The following CROCC2 variants were observed in gnomAD, a reference collection of about 807,000 sequenced individuals.
CROCC2 encodes the protein ciliary rootlet coiled-coil, rootletin family member 2.
CROCC2 carries 163 observed loss-of-function variants against 177.6 expected under a neutral mutation model. That is an observed-to-expected ratio of 0.92 (90% CI 0.81 to 1.05). The LOEUF (loss-of-function observed/expected upper bound fraction) is 1.05. CROCC2 is among the 50% of genes least tolerant of loss of function. CROCC2 has a pLI of 0.00. For synonymous variants in CROCC2, 904 were observed against 787.3 expected, an observed-to-expected ratio of 1.15 and a Z score of -2.48; for missense variants, 1,929 against 1,797.8, an observed-to-expected ratio of 1.07 and a Z score of -1.32.
intron 5 of CROCC2, among the ~76,000 whole-genome samples, chr2:240,926,949 C>T (rs140948857): frequency 2.4e-4 from 37 of 152,386 alleles, no homozygotes; most frequent in Non-Finnish European, 4.9e-4. Flanking sequence ...GACAGGTCAC[C>T]TGAGGATCCC....
chr2:240,935,943 C>A (rs56237031), intron 14 of CROCC2, among the ~76,000 whole-genome samples: 49,449 of 152,082 alleles, frequency 0.33, 8,698 homozygotes, highest in Middle Eastern at 0.5. Context: ...TCTGCGACTG[C>A]ACATTCACTG....
At chr2:240,919,254 A>G (rs985553352) in intron 2 of CROCC2, among the ~76,000 whole-genome samples, 8 of 152,078 alleles carry the variant, frequency 5.3e-5, no homozygotes, top group Admixed American at 3.3e-4. Flanking sequence ...ATCGATACCC[A>G]CAGGGCACTC....
At chr2:240,989,972 G>A in intron 30 of CROCC2, 139 bp downstream of exon 30, 1 of 782,920 alleles carries the variant, frequency 1.3e-6, no homozygotes, top group Non-Finnish European at 2.0e-6. Flanking sequence ...GTGGGCTCCA[G>A]ACCTGCTCCG....
At chr2:240,906,681 G>A (rs1194214047) in intron 1 of CROCC2, 90 bp downstream of exon 1, 1 of 398,696 alleles carries the variant, frequency 2.5e-6, no homozygotes, top group Non-Finnish European at 4.4e-6. Flanking sequence ...GGGATGGCCA[G>A]GAGGCACCTT....
intron 14 of CROCC2, among the ~76,000 whole-genome samples, chr2:240,940,789 G>C (rs1209444945): frequency 3.3e-5 from 5 of 152,116 alleles, no homozygotes; most frequent in Non-Finnish European, 7.4e-5. Flanking sequence ...ACTGGAAGAA[G>C]ACAAGGATGC....
intron 28 of CROCC2, among the ~76,000 whole-genome samples, chr2:240,985,705 CCA>C (rs758309744): frequency 3.6e-5 from 1 of 28,040 alleles, no homozygotes; most frequent in Non-Finnish European, 5.5e-5. Context: ...GGCACTCACT[CCA>C]CACACACACA....
chr2:240,966,873 G>T (rs1487805204), intron 25 of CROCC2, among the ~76,000 whole-genome samples: 1 of 151,734 alleles, frequency 6.6e-6, no homozygotes, highest in Non-Finnish European at 1.5e-5. Flanking sequence ...CAGTGGGCAG[G>T]ACTGTGGGAA....
At position 240,917,468 on chromosome 2, in the gene CROCC2, C is replaced by T. The variant is rs180824886; in HGVS notation, c.79-1258C>T. ...CAGGCCTGAGGTCAGAGTCCGGGGA[C>T]GCAAGCAGGGTCTCAGGGAGGGCCA... On this transcript the variant is annotated intron_variant, in intron 1 of 31. Coordinates refer to ENST00000690015, the MANE Select transcript of CROCC2 (RefSeq NM_001351305.2). The surrounding 1 kb of genome is among the most constrained non-coding windows in gnomAD (Gnocchi z 4.9). Among the ~76,000 whole-genome samples, 42 of 152,224 alleles carry T rather than the reference C, an allele frequency of 2.8e-4. No homozygotes were observed. The highest frequency in any genetic ancestry group is 4.4e-4 in the Non-Finnish European group (30 of 68,000).
chr2:240,919,998 C>T lies in CROCC2; in HGVS notation c.245C>T (p.Pro82Leu), dbSNP rs759713910. ...EEPPQAGVQE[P>L]TATVARVQEE... ...TACCGTGCAGCAGGGGTACAGGAGC[C>T]GACAGCCACTGTGGCCCGAGTGCAA... Residue 82 changes from proline to leucine, a missense_variant, in exon 3 of 32, where the codon CCG becomes CTG. By Grantham distance (98) the Pro-to-Leu change is moderately conservative (BLOSUM62 -3). Around this residue, in one of 3 missense-constraint regions of CROCC2, gnomAD observed 1,397 missense variants for 1,239.9 expected, o/e 1.13. Coordinates refer to ENST00000690015, the MANE Select transcript of CROCC2 (RefSeq NM_001351305.2). 64 of 716,600 alleles carry T rather than the reference C, an allele frequency of 8.9e-5. No individual in the cohort carries two copies. Among genetic ancestry groups the T allele is most frequent in the Admixed American group, 1.2e-4 (6 of 49,994 alleles). The allele number at this position is 716,600 out of a possible 1,614,324, so 44.4% of individuals were successfully genotyped here. A position where few individuals can be genotyped will look rare whatever the true frequency, so the allele number is the denominator to read the frequency against.
chr2:240,912,103 G>A (rs528511563), intron 1 of CROCC2, among the ~76,000 whole-genome samples: 104 of 152,244 alleles, frequency 6.8e-4, no homozygotes, highest in African/African-American at 1.7e-3. Flanking sequence ...TTACCCTCCC[G>A]CTTCTTTTCC....
intron 15 of CROCC2, among the ~76,000 whole-genome samples, chr2:240,948,668 G>A (rs1273218258): frequency 3.3e-5 from 5 of 152,176 alleles, no homozygotes; most frequent in Admixed American, 1.3e-4. Flanking sequence ...GGTGTCTTCT[G>A]AACAGTGGCA....
rs1217583768 is a variant in CROCC2 at position 240,968,199 on chromosome 2, C to A, written c.4338C>A (p.Arg1446=). The change falls in exon 27 of 32, where the codon CGC becomes CGA. Residue 1446 remains arginine, a synonymous_variant. Coordinates refer to ENST00000690015, the MANE Select transcript of CROCC2 (RefSeq NM_001351305.2). ...AARALQKEAL[R]RLELEHLASV... Reference sequence around the variant, plus strand: ...GTGCCCTGCAGAAGGAGGCGCTCCGCAGGCTGGAGTTGGAGCACCTGGCGA... The same window carrying A: ...GTGCCCTGCAGAAGGAGGCGCTCCGAAGGCTGGAGTTGGAGCACCTGGCGA... 1 of 1,533,098 alleles carries A rather than the reference C, an allele frequency of 6.5e-7. No individual in the cohort carries two copies. The highest frequency in any genetic ancestry group is 2.4e-5 in the East Asian group (1 of 40,856). 95.0% of individuals were successfully genotyped at this position (1,533,098 alleles called of 1,614,324 possible). A position where few individuals can be genotyped will look rare whatever the true frequency, so the allele number is the denominator to read the frequency against.
chr2:240,963,336 T>G, intron 20 of CROCC2: 1 of 541,350 alleles, frequency 1.8e-6, no homozygotes, highest in Non-Finnish European at 3.3e-6. Context: ...GGTGGGGTCT[T>G]CTGGGCTCTT....
At chr2:240,950,190 T>TG (rs1020487961) in intron 17 of CROCC2, 144 bp from the exon 18 acceptor site, 1 of 723,576 alleles carries the variant, frequency 1.4e-6, no homozygotes, top group Non-Finnish European at 2.3e-6. Context: ...GGGGAAGACG[T>TG]GGGGGGTGTG....
At chr2:240,945,053 C>T (rs1195380925) in intron 14 of CROCC2, among the ~76,000 whole-genome samples, 6 of 152,180 alleles carry the variant, frequency 3.9e-5, no homozygotes, top group East Asian at 1.9e-4. Flanking sequence ...TCTCCTGCCT[C>T]GGCCTCCTGA....
intron 18 of CROCC2, among the ~76,000 whole-genome samples, chr2:240,954,041 G>T (rs2059573654): frequency 6.6e-6 from 1 of 152,162 alleles, no homozygotes; most frequent in African/African-American, 2.4e-5. Context: ...TCCAGTAAGG[G>T]CAGATTTATA....
chr2:240,956,667 C>A (rs1176295231), intron 19 of CROCC2, among the ~76,000 whole-genome samples: 1 of 152,204 alleles, frequency 6.6e-6, no homozygotes, highest in African/African-American at 2.4e-5. Flanking sequence ...TGGCACTGGG[C>A]AGGAGGGCTA....
chr2:240,929,883 A>G (rs1316009368), intron 5 of CROCC2, among the ~76,000 whole-genome samples: 1 of 152,088 alleles, frequency 6.6e-6, no homozygotes, highest in Non-Finnish European at 1.5e-5. Context: ...TTCTCTCTTC[A>G]GGGGCCCACG....
In CROCC2 at chr2:240,989,095, A is replaced by C. The variant is rs749686347; in HGVS notation, c.4683+225A>C. Among the ~76,000 whole-genome samples the C allele has an allele frequency of 4.0e-3, 608 of 152,222 alleles. 5 individuals carry two copies. Among genetic ancestry groups the C allele is most frequent in the Admixed American group, 7.8e-3 (120 of 15,302 alleles). On this transcript the variant is annotated intron_variant, in intron 29 of 31. Coordinates refer to ENST00000690015, the MANE Select transcript of CROCC2 (RefSeq NM_001351305.2). ...ACCCAAGGCTCCTGCCCTTCTTGAGACATTGAAGTCCCCATGGGAGCCAGG... is the reference window on the plus strand; with the variant it reads ...ACCCAAGGCTCCTGCCCTTCTTGAGCCATTGAAGTCCCCATGGGAGCCAGG...
Sources: gnomAD v4.1 joint callset for allele counts (sites outside exome capture counted in the v4.1 genomes callset) on GRCh38, gnomAD v4.1.1 for gene constraint, gnomAD v4.1.1 regional missense constraint, Gnocchi (gnomAD v3.1) non-coding constraint, MANE v1.5 for transcripts, NCBI Gene and HGNC (gene_info 2026-07-23, HGNC 2026-07-21) for gene names.